The following KCNH7 variants were observed in gnomAD, a reference collection of about 807,000 sequenced individuals.
The protein encoded by KCNH7 is voltage-gated inwardly rectifying potassium channel KCNH7.
Under a neutral mutation model 120.8 loss-of-function variants are expected in KCNH7, and 49 were observed. The ratio of observed to expected loss-of-function variants is 0.41; its 90% CI spans 0.32 to 0.51. The LOEUF is 0.51. KCNH7 is among the 20% of genes least tolerant of loss of function. The probability of loss-of-function intolerance (pLI) is 0.38; values close to 1 mark genes in which losing one functional copy is unlikely to be tolerated. For missense variants in KCNH7, 1,097 were observed against 1,446.6 expected, an observed-to-expected ratio of 0.76 and a Z score of 3.92; for synonymous variants, 547 against 516.1, an observed-to-expected ratio of 1.06 and a Z score of -0.81.
intron 6 of KCNH7, among the ~76,000 whole-genome samples, chr2:162,455,940 G>A (rs1253744987): frequency 6.6e-6 from 1 of 152,006 alleles, no homozygotes; most frequent in Non-Finnish European, 1.5e-5. Context: ...ATCTCCTTCA[G>A]TTCTGTTCTT....
intron 2 of KCNH7, among the ~76,000 whole-genome samples, chr2:162,561,820 A>T (rs770846070): frequency 8.5e-5 from 13 of 152,220 alleles, no homozygotes; most frequent in Non-Finnish European, 1.5e-4. Flanking sequence ...CCAAATGCCC[A>T]TCAGTGATAG....
At chr2:162,545,054 T>G (rs533422215) in intron 2 of KCNH7, among the ~76,000 whole-genome samples, 1 of 152,286 alleles carries the variant, frequency 6.6e-6, no homozygotes, top group South Asian at 2.1e-4. Flanking sequence ...CTCAGAGAAT[T>G]TTCTCAACTA....
intron 9 of KCNH7, among the ~76,000 whole-genome samples, chr2:162,413,861 C>A (rs934831850): frequency 6.6e-6 from 1 of 151,598 alleles, no homozygotes; most frequent in South Asian, 2.1e-4. Flanking sequence ...ATATTAGGAT[C>A]ATATTACAAT....
intron 2 of KCNH7, among the ~76,000 whole-genome samples, chr2:162,615,451 T>C (rs1442879916): frequency 6.6e-6 from 1 of 152,206 alleles, no homozygotes; most frequent in Non-Finnish European, 1.5e-5. Flanking sequence ...ATTAACAACT[T>C]AAATCTAGCT....
At chr2:162,782,017 T>C (rs1047875473) in intron 2 of KCNH7, among the ~76,000 whole-genome samples, 14 of 152,254 alleles carry the variant, frequency 9.2e-5, no homozygotes, top group African/African-American at 3.4e-4. Flanking sequence ...AAATATGGCA[T>C]TTAAAATTAG....
intron 6 of KCNH7, among the ~76,000 whole-genome samples, chr2:162,476,375 A>G (rs200553634): frequency 6.6e-6 from 1 of 152,228 alleles, no homozygotes; most frequent in East Asian, 1.9e-4. Context: ...ATACCTCGAG[A>G]GCATCTTAAT....
intron 2 of KCNH7, among the ~76,000 whole-genome samples, chr2:162,656,297 G>T (rs1282958388): frequency 6.6e-6 from 1 of 152,012 alleles, no homozygotes; most frequent in African/African-American, 2.4e-5. Flanking sequence ...TCTATAAAAA[G>T]ACTATATAGA....
intron 2 of KCNH7, among the ~76,000 whole-genome samples, chr2:162,753,274 A>G (rs558999523): frequency 6.6e-6 from 1 of 152,152 alleles, no homozygotes; most frequent in Admixed American, 6.5e-5. Context: ...TTGCTTGTTT[A>G]ATTTGGCCTA....
At chr2:162,807,266 A>AC (rs1167890478) in intron 2 of KCNH7, among the ~76,000 whole-genome samples, 8 of 128,988 alleles carry the variant, frequency 6.2e-5, no homozygotes, top group East Asian at 2.2e-4. Context: ...CAAAAAAAAA[A>AC]AAAAAAAAAA....
intron 6 of KCNH7, among the ~76,000 whole-genome samples, chr2:162,477,307 T>C (rs1689778273): frequency 6.6e-6 from 1 of 152,146 alleles, no homozygotes; most frequent in Non-Finnish European, 1.5e-5. Flanking sequence ...TGCTCAGAGC[T>C]CAACTGCCAA....
At chr2:162,536,716 T>C (rs535346051) in intron 3 of KCNH7, among the ~76,000 whole-genome samples, 106 of 152,152 alleles carry the variant, frequency 7.0e-4, no homozygotes, top group African/African-American at 2.4e-3. Flanking sequence ...AAATACATTA[T>C]ATTATATCCA....
chr2:162,409,473 A>G (rs1687323907), intron 9 of KCNH7, among the ~76,000 whole-genome samples: 1 of 151,920 alleles, frequency 6.6e-6, no homozygotes, highest in African/African-American at 2.4e-5. Flanking sequence ...TAACACTTGA[A>G]GAGCATATAA....
intron 12 of KCNH7, among the ~76,000 whole-genome samples, chr2:162,393,002 G>A (rs1042100216): frequency 2.6e-5 from 4 of 151,964 alleles, no homozygotes; most frequent in Non-Finnish European, 4.4e-5. Context: ...GATTATGGTA[G>A]CTTGGCCCAG....
chr2:162,770,484 G>A (rs1249779165), intron 2 of KCNH7, among the ~76,000 whole-genome samples: 1 of 151,764 alleles, frequency 6.6e-6, no homozygotes, highest in Non-Finnish European at 1.5e-5. Context: ...CTTTCAGATT[G>A]TACGCTTTGG....
At chr2:162,503,523 G>T (rs1690760735) in intron 6 of KCNH7, among the ~76,000 whole-genome samples, 2 of 151,912 alleles carry the variant, frequency 1.3e-5, no homozygotes, top group Non-Finnish European at 1.5e-5. Context: ...TTTATAACTT[G>T]CTCATGGTCT....
At position 162,396,845 on chromosome 2, in the gene KCNH7, A is replaced by T. The variant is rs770532045; in HGVS notation, c.2508T>A (p.Ile836=). ...AAACCTCTAACAAGTCTTCTCGCTG[A>T]ATCTTATGCAAGTCACAGTATGTGA... ...RALTYCDLHK[I]QREDLLEVLD... is the part of the protein sequence containing the mutation. Residue 836 remains isoleucine, a synonymous_variant, in exon 11 of 16, where the codon ATT becomes ATA. Transcript: ENST00000332142. 36 of 1,611,922 alleles carry T rather than the reference A, an allele frequency of 2.2e-5. No individual in the cohort carries two copies. The highest frequency in any genetic ancestry group is 3.0e-5 in the Non-Finnish European group (35 of 1,178,694).
At chr2:162,640,502 A>T (rs1017907886) in intron 2 of KCNH7, among the ~76,000 whole-genome samples, 29 of 121,122 alleles carry the variant, frequency 2.4e-4, no homozygotes, top group African/African-American at 1.2e-3. Context: ...CATATACATT[A>T]AAAAAAAATG....
At chr2:162,627,042 G>A (rs1055960071) in intron 2 of KCNH7, among the ~76,000 whole-genome samples, 1 of 152,206 alleles carries the variant, frequency 6.6e-6, no homozygotes, top group South Asian at 2.1e-4. Flanking sequence ...TAATTAGTGA[G>A]TGAATTCCCT....
At chr2:162,658,755 A>C (rs1684855216) in intron 2 of KCNH7, among the ~76,000 whole-genome samples, 1 of 152,064 alleles carries the variant, frequency 6.6e-6, no homozygotes, top group Non-Finnish European at 1.5e-5. Context: ...TTATATTTTA[A>C]ATTTCAAATT....
Sources: allele counts gnomAD v4.1 joint callset (sites outside exome capture counted in the v4.1 genomes callset), GRCh38; gene constraint gnomAD v4.1.1; transcripts MANE v1.5; gene names NCBI Gene and HGNC (gene_info 2026-07-23, HGNC 2026-07-21).